The following PARP4 variants were observed in gnomAD, a reference collection of about 807,000 sequenced individuals.
PARP4 encodes the protein poly(ADP-ribose) polymerase family member 4, also known as protein mono-ADP-ribosyltransferase PARP4.
In PARP4, 120 loss-of-function variants were observed where a neutral mutation model predicts 187.7. That is an observed-to-expected ratio of 0.64 (90% CI 0.55 to 0.74). The LOEUF is 0.74. Among genes scored for constraint, PARP4 ranks in the 30% least tolerant of loss-of-function variants. The probability of loss-of-function intolerance (pLI) is 0.00; values close to 1 mark genes in which losing one functional copy is unlikely to be tolerated. For synonymous variants in PARP4, 654 were observed against 740.9 expected, an observed-to-expected ratio of 0.88 and a Z score of 1.90; for missense variants, 1,836 against 2,070.5, an observed-to-expected ratio of 0.89 and a Z score of 2.20.
chr13:24,498,869 G>T (rs1223225522), intron 5 of PARP4, among the ~76,000 whole-genome samples: 1 of 152,212 alleles, frequency 6.6e-6, no homozygotes, highest in Non-Finnish European at 1.5e-5. Flanking sequence ...TAGTAACAGG[G>T]AAGAGCACTT....
At chr13:24,468,002 C>T (rs200152140) in intron 17 of PARP4, among the ~76,000 whole-genome samples, 1 of 108,830 alleles carries the variant, frequency 9.2e-6, no homozygotes, top group Non-Finnish European at 2.1e-5. Context: ...TAATTTACCC[C>T]TTTGTCTATA....
intron 27 of PARP4, among the ~76,000 whole-genome samples, chr13:24,444,750 A>C (rs1380603693): frequency 6.6e-6 from 1 of 152,230 alleles, no homozygotes; most frequent in Non-Finnish European, 1.5e-5. Flanking sequence ...CAGCAGACAT[A>C]GGAGTAGCTC....
intron 8 of PARP4, 80 bp from the exon 9 acceptor site, chr13:24,492,674 A>T: frequency 1.7e-6 from 2 of 1,143,690 alleles, no homozygotes; most frequent in South Asian, 1.6e-5. Context: ...TATATAAATA[A>T]TTGTTAGACA....
At chr13:24,502,779 A>C (rs898808224) in intron 2 of PARP4, among the ~76,000 whole-genome samples, 3 of 152,250 alleles carry the variant, frequency 2.0e-5, no homozygotes, top group African/African-American at 7.2e-5. Context: ...ATGGTGAGAC[A>C]GCTCAGTGTG....
At chr13:24,443,920 A>G (rs1871080662) in intron 27 of PARP4, among the ~76,000 whole-genome samples, 190 bp from the exon 28 acceptor site, 1 of 152,258 alleles carries the variant, frequency 6.6e-6, no homozygotes, top group Non-Finnish European at 1.5e-5. Context: ...GACACAGAAC[A>G]TTCTCTTTTC....
At chr13:24,455,480 A>AATATATATAT (rs57015283) in intron 21 of PARP4, among the ~76,000 whole-genome samples, 1,199 of 108,326 alleles carry the variant, frequency 0.011, 25 homozygotes, top group African/African-American at 0.029. Context: ...TTATGGAACA[A>AATATATATAT]ATATATATAT....
rs569128000 is a variant in PARP4 at position 24,490,756 on chromosome 13, G to A, written c.1126C>T (p.Arg376Ter). Residue 376 changes from arginine to a stop codon, truncating the protein, a stop_gained, in exon 10 of 34, where the codon CGA (arginine) becomes TGA (stop). Transcript: ENST00000381989. LOFTEE classifies it high-confidence loss of function. ...TGCTCAATTTTGCACCTCAAAGCTC[G>A]GTATTTGGCCAGGGATGGTGGGTTG... ...KPNPPSLAKY[R>*]ALRCKIEHVE... is the part of the protein sequence containing the mutation. The A allele has an allele frequency of 9.9e-6, 16 of 1,613,864 alleles. No homozygotes were observed. The highest frequency in any genetic ancestry group is 4.4e-5 in the South Asian group (4 of 91,068).
At chr13:24,425,580 T>C (rs1870003462) in intron 33 of PARP4, among the ~76,000 whole-genome samples, 1 of 118,436 alleles carries the variant, frequency 8.4e-6, no homozygotes, top group Non-Finnish European at 1.7e-5. Flanking sequence ...TATATCTATA[T>C]CTATATCTAT....
intron 32 of PARP4, among the ~76,000 whole-genome samples, 164 bp downstream of exon 32, chr13:24,431,212 AC>A (rs965503103): frequency 6.6e-6 from 1 of 152,224 alleles, no homozygotes; most frequent in African/African-American, 2.4e-5. Flanking sequence ...ATGACTAGAA[AC>A]CCATCTCCCA....
intron 32 of PARP4, 48 bp from the exon 33 acceptor site, chr13:24,426,646 A>G (rs761755907): frequency 6.5e-7 from 1 of 1,527,494 alleles, no homozygotes; most frequent in Non-Finnish European, 9.0e-7. Context: ...TCTGCATCTC[A>G]AACTGTGCCT....
chr13:24,454,615 C>T (rs1328183981), intron 22 of PARP4, among the ~76,000 whole-genome samples: 12 of 152,198 alleles, frequency 7.9e-5, no homozygotes, highest in Admixed American at 7.9e-4. Flanking sequence ...TCCTACTCAA[C>T]AGACCAAGGG....
At chr13:24,471,770 A>T (rs1872737694) in intron 15 of PARP4, among the ~76,000 whole-genome samples, 1 of 152,178 alleles carries the variant, frequency 6.6e-6, no homozygotes, top group African/African-American at 2.4e-5. Context: ...TCTAATCCCA[A>T]GTAAGGCATG....
intron 3 of PARP4, 106 bp downstream of exon 3, chr13:24,501,527 T>G: frequency 1.3e-6 from 1 of 757,512 alleles, no homozygotes; most frequent in South Asian, 1.7e-5. Context: ...AAGTCTAATT[T>G]TTTTTTAGTA....
At chr13:24,466,146 C>A (rs1403394320) in intron 17 of PARP4, among the ~76,000 whole-genome samples, 4 of 152,144 alleles carry the variant, frequency 2.6e-5, no homozygotes, top group African/African-American at 9.7e-5. Flanking sequence ...CCATATTTAA[C>A]ACATATTTAA....
intron 24 of PARP4, among the ~76,000 whole-genome samples, chr13:24,450,820 G>A (rs1040646281): frequency 6.6e-5 from 10 of 152,182 alleles, no homozygotes; most frequent in Non-Finnish European, 1.3e-4. Context: ...TCTCCTCTTG[G>A]AGCAGGCTCC....
chr13:24,469,794 C>T (rs1385605448), intron 16 of PARP4, 100 bp downstream of exon 16: 2 of 1,262,270 alleles, frequency 1.6e-6, no homozygotes, highest in African/African-American at 1.5e-5. Flanking sequence ...AAGGCTGCTA[C>T]TCAACCTTGT....
chr13:24,421,519 C>T (rs1189001589), intron 33 of PARP4, among the ~76,000 whole-genome samples: 4 of 152,272 alleles, frequency 2.6e-5, no homozygotes, highest in Non-Finnish European at 5.9e-5. Flanking sequence ...GCCCTGTGCC[C>T]GCCACCTCCT....
rs765430179 is a variant in PARP4, at chr13:24,434,673, G to A, written c.4468C>T (p.Gln1490Ter). ...ASALPEALCS[Q>*]SRTTPVDLCL... ...AGATCTACTGGGGTAGTCCGGGACT[G>A]ACTGCAAAGAGCCTCAGGTAAAGCA... Residue 1490 changes from glutamine (Q) to a stop codon, truncating the protein, a stop_gained, in exon 31 of 34, where the codon CAG (glutamine) becomes TAG (stop). Transcript: ENST00000381989. LOFTEE classifies it high-confidence loss of function. The A allele has an allele frequency of 5.1e-5, 82 of 1,614,040 alleles. No homozygotes were observed. In the South Asian group the frequency reaches 8.6e-4, roughly 17 times the overall value.
chr13:24,432,235 A>G (rs183974002), intron 31 of PARP4, among the ~76,000 whole-genome samples: 67 of 152,258 alleles, frequency 4.4e-4, no homozygotes, highest in African/African-American at 1.4e-3. Context: ...ATTTTCTTCT[A>G]GCTATTTTGA....
Sources: gnomAD v4.1 joint callset for allele counts (sites outside exome capture counted in the v4.1 genomes callset) on GRCh38, gnomAD v4.1.1 for gene constraint, MANE v1.5 for transcripts, NCBI Gene and HGNC (gene_info 2026-07-23, HGNC 2026-07-21) for gene names.